The following R3HDM1 variants were observed in gnomAD, a reference collection of about 807,000 sequenced individuals.
R3HDM1 encodes the protein R3H domain containing 1, also known as R3H domain-containing protein 1.
A neutral mutation model predicts 141.1 loss-of-function variants in R3HDM1; 46 were observed. That is an observed-to-expected ratio of 0.33 (90% CI 0.26 to 0.42). R3HDM1 has a LOEUF of 0.42. R3HDM1 is among the 10% of genes least tolerant of loss of function. The probability of loss-of-function intolerance (pLI) is 1.00; values close to 1 mark genes in which losing one functional copy is unlikely to be tolerated. For synonymous variants in R3HDM1, 435 were observed against 472.9 expected (o/e 0.92, Z 1.04); for missense variants, 1,184 against 1,368.3 (o/e 0.87, Z 2.12).
intron 23 of R3HDM1, among the ~76,000 whole-genome samples, chr2:135,711,650 C>T (rs1007246717): frequency 1.7e-5 from 2 of 115,364 alleles, no homozygotes; most frequent in African/African-American, 6.8e-5. Flanking sequence ...CAGAGGGAGA[C>T]CCCAACTCTT....
At chr2:135,686,376 C>T (rs943964057) in intron 21 of R3HDM1, among the ~76,000 whole-genome samples, 1 of 152,158 alleles carries the variant, frequency 6.6e-6, no homozygotes, top group Non-Finnish European at 1.5e-5. Flanking sequence ...TTTACATCTC[C>T]ATATTCATTG....
chr2:135,655,190 T>C (rs1402517375), intron 18 of R3HDM1, among the ~76,000 whole-genome samples: 1 of 152,188 alleles, frequency 6.6e-6, no homozygotes, highest in Non-Finnish European at 1.5e-5. Context: ...TGAGTTAATT[T>C]TTGAATATTG....
At chr2:135,599,803 C>T (rs893910288) in intron 1 of R3HDM1, among the ~76,000 whole-genome samples, 31 of 151,908 alleles carry the variant, frequency 2.0e-4, no homozygotes, top group African/African-American at 7.5e-4. Context: ...GAGGTTGGGA[C>T]GGGGGATTAC....
intron 7 of R3HDM1, among the ~76,000 whole-genome samples, chr2:135,630,808 A>T (rs768201331): frequency 6.7e-6 from 1 of 149,764 alleles, no homozygotes; most frequent in Admixed American, 6.7e-5. Context: ...TGTAAGTTAC[A>T]TTTTTTTTTT....
chr2:135,561,835 T>C (rs1701861445), intron 1 of R3HDM1, among the ~76,000 whole-genome samples: 1 of 152,126 alleles, frequency 6.6e-6, no homozygotes, highest in Non-Finnish European at 1.5e-5. Flanking sequence ...GACCCAGTTC[T>C]GAGAAAAAAA....
intron 20 of R3HDM1, among the ~76,000 whole-genome samples, chr2:135,675,892 T>C (rs745667208): frequency 2.0e-5 from 3 of 152,218 alleles, no homozygotes; most frequent in Non-Finnish European, 2.9e-5. Context: ...GTGGTAGATA[T>C]TTGAAATAGT....
rs182390781 is a variant in R3HDM1 at position 135,701,411 on chromosome 2, A to G, written c.2460-8022A>G. 3.0e-4 allele frequency among the ~76,000 whole-genome samples: 45 copies of G among 152,210 alleles called. No individual in the cohort carries two copies. In the East Asian group the frequency reaches 6.2e-3, roughly 21 times the overall value. On this transcript the variant is annotated intron_variant, in intron 21 of 26. Transcript: ENST00000683871. ...AAGACCCTATCTCCAAAAAATAATA[A>G]TAAAGTAAATATATACACATGCATA...
intron 21 of R3HDM1, among the ~76,000 whole-genome samples, chr2:135,683,953 AATACATACATACATACATAC>A (rs3074523): frequency 1.4e-5 from 2 of 147,984 alleles, no homozygotes; most frequent in Admixed American, 6.8e-5. Context: ...CTGTCTCATA[AATACATACATACATACATAC>A]ATACATACAT....
intron 1 of R3HDM1, chr2:135,536,467 G>A (rs1198161360): frequency 3.7e-6 from 3 of 819,812 alleles, no homozygotes; most frequent in Non-Finnish European, 4.4e-6. Flanking sequence ...ATAGTGGATT[G>A]CACAGCATGT....
chr2:135,650,288 A>T (rs1175454658), intron 17 of R3HDM1: 9 of 985,380 alleles, frequency 9.1e-6, no homozygotes, highest in Non-Finnish European at 1.1e-5. Context: ...CAACTTTCTC[A>T]TTGAGGCCAC....
intron 21 of R3HDM1, among the ~76,000 whole-genome samples, chr2:135,704,442 T>C (rs2074622098): frequency 6.6e-6 from 1 of 151,954 alleles, no homozygotes; most frequent in South Asian, 2.1e-4. Flanking sequence ...AAAAGCATTT[T>C]AAAGTATTGT....
chr2:135,606,276 A>G (rs1402706423), intron 3 of R3HDM1: 4 of 152,198 alleles, frequency 2.6e-5, no homozygotes, highest in Admixed American at 2.0e-4. Flanking sequence ...GGGGTCCCAG[A>G]GAGAATGTTC....
chr2:135,626,584 TATAA>T (rs1483040534), intron 7 of R3HDM1, among the ~76,000 whole-genome samples: 1 of 152,192 alleles, frequency 6.6e-6, no homozygotes, highest in Non-Finnish European at 1.5e-5. Flanking sequence ...GAACAAAGAT[TATAA>T]ATCCATTTTT....
At chr2:135,699,121 C>CA (rs1031406907) in intron 21 of R3HDM1, among the ~76,000 whole-genome samples, 3 of 115,358 alleles carry the variant, frequency 2.6e-5, no homozygotes, top group Non-Finnish European at 5.1e-5. Context: ...TTCCAAACCC[C>CA]AAAAAATAGC....
In R3HDM1 at chr2:135,616,713, G is replaced by C; in HGVS notation, c.259G>C (p.Glu87Gln). The stretch of plus-strand genomic sequence containing the variant: ...AGTTCGGAGCCTTGCAGTGTGTGAA[G>C]AATCTCCACCACCCCCTGCACCAGA... ...KLVRSLAVCE[E>Q]SPPPPAPEIS... Residue 87 changes from glutamate to glutamine, a missense_variant, in exon 5 of 27, where the codon GAA becomes CAA. Glu to Gln is a conservative substitution (Grantham distance 29). Transcript: ENST00000683871. 1 of 1,609,970 alleles carries C rather than the reference G, an allele frequency of 6.2e-7. No individual in the cohort carries two copies. The highest frequency in any genetic ancestry group is 8.5e-7 in the Non-Finnish European group (1 of 1,177,566).
intron 1 of R3HDM1, among the ~76,000 whole-genome samples, chr2:135,561,773 T>C (rs939615711): frequency 4.6e-5 from 7 of 151,730 alleles, no homozygotes; most frequent in Non-Finnish European, 8.8e-5. Context: ...TAGAATATAA[T>C]AAACTACATT....
chr2:135,700,261 G>A (rs554907559), intron 21 of R3HDM1, among the ~76,000 whole-genome samples: 1 of 152,128 alleles, frequency 6.6e-6, no homozygotes, highest in South Asian at 2.1e-4. Context: ...ATTAAGTTTA[G>A]CTTAAGTCAT....
chr2:135,601,786 G>A (rs2059637974), intron 1 of R3HDM1, among the ~76,000 whole-genome samples: 1 of 151,824 alleles, frequency 6.6e-6, no homozygotes. Flanking sequence ...CCTCAACCTC[G>A]CAAGTAACTA....
chr2:135,534,506 TGA>T (rs1303811849), intron 1 of R3HDM1, among the ~76,000 whole-genome samples: 22 of 152,392 alleles, frequency 1.4e-4, no homozygotes, highest in African/African-American at 5.0e-4. Context: ...GAAAATTTAC[TGA>T]GTCTTCACAT....
Sources: allele counts gnomAD v4.1 joint callset (sites outside exome capture counted in the v4.1 genomes callset), GRCh38; gene constraint gnomAD v4.1.1; transcripts MANE v1.5; gene names NCBI Gene and HGNC (gene_info 2026-07-23, HGNC 2026-07-21).